The following SPRR1B variants were observed in gnomAD, a reference collection of about 807,000 sequenced individuals.
SPRR1B encodes small proline rich protein 1B, also known as cornifin-B.
A neutral mutation model predicts 1.2 loss-of-function variants in SPRR1B; 1 was observed. The ratio of observed to expected loss-of-function variants is 0.82; its 90% CI spans 0.29 to 3.89. The LOEUF (loss-of-function observed/expected upper bound fraction) is 3.89, where lower values mean the gene tolerates loss of function less well. SPRR1B is among the 30% of genes most tolerant of loss of function. The pLI, the probability that SPRR1B is intolerant of heterozygous loss-of-function variation, is 0.18. For synonymous variants in SPRR1B, 37 were observed against 38.3 expected, an observed-to-expected ratio of 0.97 and a Z score of 0.13; for missense variants, 102 against 106.0, an observed-to-expected ratio of 0.96 and a Z score of 0.17.
At chr1:153,032,029 T>C (rs1174026782) in intron 1 of SPRR1B, among the ~76,000 whole-genome samples, 1 of 39,506 alleles carries the variant, frequency 2.5e-5, no homozygotes, top group Non-Finnish European at 6.1e-5. Context: ...TTGTTAGGGT[T>C]TTTTTTTTCC....
At chr1:153,031,948 CT>C (rs766124770) in intron 1 of SPRR1B, among the ~76,000 whole-genome samples, 1 of 152,086 alleles carries the variant, frequency 6.6e-6, no homozygotes, top group Non-Finnish European at 1.5e-5. Flanking sequence ...GCTTGGGGTT[CT>C]AGAGAGGTCA....
In SPRR1B at chr1:153,032,390, G is replaced by A. The variant is rs540483672; in HGVS notation, c.45G>A (p.Gln15=). The A allele has an allele frequency of 2.1e-4, 342 of 1,613,792 alleles. 5 individuals are homozygous for A. In the South Asian group the frequency reaches 3.4e-3, roughly 16 times the overall value. The change falls in exon 2 of 2, where the codon CAG becomes CAA. Residue 15 remains glutamine, a synonymous_variant. Transcript: ENST00000307098. ...AGCAGCCTTGCACCCCACCCCCTCA[G>A]CTTCAGCAGCAGCAGGTGAAACAGC... ...QQKQPCTPPP[Q]LQQQQVKQPC...
chr1:153,031,809 T>C (rs1047661679), intron 1 of SPRR1B, among the ~76,000 whole-genome samples: 6 of 152,022 alleles, frequency 3.9e-5, no homozygotes, highest in Non-Finnish European at 7.4e-5. Context: ...TTCTGGAAGG[T>C]TTTTTCTAGA....
rs373458063 is a variant in SPRR1B at position 153,032,379 on chromosome 1, C to A, written c.34C>A (p.Pro12Thr). The A allele has an allele frequency of 6.2e-7, 1 of 1,613,690 alleles. No homozygotes were observed. Reference protein sequence around the residue: ...SSQQQKQPCTPPPQLQQQQVK... With the variant: ...SSQQQKQPCTTPPQLQQQQVK... ...CCAGCAGCAGAAGCAGCCTTGCACC[C>A]CACCCCCTCAGCTTCAGCAGCAGCA... Residue 12 changes from proline to threonine, a missense_variant, in exon 2 of 2, where the codon CCA becomes ACA. Physicochemically the swap from Pro to Thr is conservative, Grantham distance 38. Transcript: ENST00000307098.
chr1:153,032,360 G>C lies in SPRR1B; in HGVS notation c.15G>C (p.Gln5His), dbSNP rs746072507. 1 of 1,613,718 alleles carries C rather than the reference G, an allele frequency of 6.2e-7. No homozygotes were observed. The highest frequency in any genetic ancestry group is 8.5e-7 in the Non-Finnish European group (1 of 1,179,804). MSSQ[Q>H]QKQPCTPPPQ... ...ACTGTTGCAGCATGAGTTCCCAGCA[G>C]CAGAAGCAGCCTTGCACCCCACCCC... is the stretch of plus-strand genomic sequence containing the variant. The change falls in exon 2 of 2, where the codon CAG becomes CAC. Residue 5 changes from glutamine to histidine, a missense_variant. Gln to His is a conservative substitution (Grantham distance 24). Transcript: ENST00000307098.
rs1218019186 is a variant in SPRR1B, at chr1:153,032,545, C to G, written c.200C>G (p.Pro67Arg). 1.9e-6 allele frequency: 3 copies of G among 1,611,546 alleles called. No individual in the cohort carries two copies. In the African/African-American group the frequency reaches 4.0e-5, roughly 22 times the overall value. The change falls in exon 2 of 2, where the codon CCC becomes CGC. Residue 67 changes from proline (P) to arginine (R), a missense_variant. Coordinates refer to ENST00000307098, the MANE Select transcript of SPRR1B (RefSeq NM_003125.3). ...CQPKVPEPCH[P>R]KVPEPCPSIV... is the part of the protein sequence containing the mutation. The stretch of plus-strand genomic sequence containing the variant: ...CCCAAGGTTCCAGAGCCATGCCACC[C>G]CAAGGTGCCTGAGCCCTGCCCTTCA...
Position 153,032,736 on chromosome 1 carries a change from G to T in SPRR1B, c.*121G>T. On this transcript the variant is annotated 3_prime_UTR_variant, in exon 2 of 2. Coordinates refer to ENST00000307098, the MANE Select transcript of SPRR1B (RefSeq NM_003125.3). ...TTCTGTCTCCCCCAAAAAAGAATGT[G>T]CTATGAAGCTTTCTTTCCTACACAC... The T allele has an allele frequency of 1.4e-6, 2 of 1,470,540 alleles. No individual in the cohort carries two copies. Among genetic ancestry groups the T allele is most frequent in the Admixed American group, 2.5e-5 (1 of 39,336 alleles). The allele number at this position is 1,470,540 out of a possible 1,614,324, so 91.1% of individuals were successfully genotyped here.
intron 1 of SPRR1B, among the ~76,000 whole-genome samples, chr1:153,031,901 G>A (rs901260022): frequency 6.6e-6 from 1 of 152,022 alleles, no homozygotes; most frequent in Non-Finnish European, 1.5e-5. Flanking sequence ...AAACATTTAA[G>A]ACAGAGGAGA....
At chr1:153,031,348 AT>A (rs1335273058) in intron 1 of SPRR1B, 101 bp downstream of exon 1, 14 of 152,110 alleles carry the variant, frequency 9.2e-5, no homozygotes, top group African/African-American at 2.9e-4. Context: ...TCATTATTGA[AT>A]TTGATCATAG....
chr1:153,032,329 C>G lies in SPRR1B; in HGVS notation c.-17C>G, dbSNP rs1653731949. The G allele has an allele frequency of 6.2e-7, 1 of 1,611,798 alleles. No individual in the cohort carries two copies. The highest frequency in any genetic ancestry group is 1.1e-5 in the South Asian group (1 of 90,734). Reference sequence around the variant, plus strand: ...TAAATCATCTGTTCTGTGTCCAGGACCAGTCACTGTTGCAGCATGAGTTCC... The same window carrying G: ...TAAATCATCTGTTCTGTGTCCAGGAGCAGTCACTGTTGCAGCATGAGTTCC... On this transcript the variant is annotated splice_region_variant and 5_prime_UTR_variant, in exon 2 of 2. Coordinates refer to ENST00000307098, the MANE Select transcript of SPRR1B (RefSeq NM_003125.3).
At chr1:153,031,305 G>C (rs912308180) in intron 1 of SPRR1B, 58 bp downstream of exon 1, 5 of 141,334 alleles carry the variant, frequency 3.5e-5, no homozygotes, top group African/African-American at 1.1e-4. Flanking sequence ...ATTTTTATTA[G>C]AGTCTCCTTG....
In SPRR1B at chr1:153,032,715, G is replaced by C; in HGVS notation, c.*100G>C. 1.3e-6 allele frequency: 2 copies of C among 1,515,428 alleles called. No individual in the cohort carries two copies. Among genetic ancestry groups the C allele is most frequent in the East Asian group, 2.3e-5 (1 of 43,696 alleles). The allele number at this position is 1,515,428 out of a possible 1,614,324, so 93.9% of individuals were successfully genotyped here. On this transcript the variant is annotated 3_prime_UTR_variant, in exon 2 of 2. Transcript: ENST00000307098. ...CCATTTGCCTTGCAATTAGCATTCT[G>C]TCTCCCCCAAAAAAGAATGTGCTAT...
intron 1 of SPRR1B, among the ~76,000 whole-genome samples, chr1:153,032,119 A>G (rs1284404656): frequency 6.6e-6 from 1 of 152,162 alleles, no homozygotes; most frequent in African/African-American, 2.4e-5. Flanking sequence ...CTGTGTAGGA[A>G]GAAAGAGAGC....
rs868123111 is a variant in SPRR1B at position 153,032,394 on chromosome 1, C to T, written c.49C>T (p.Gln17Ter). The change falls in exon 2 of 2, where the codon CAG becomes TAG. Residue 17 changes from glutamine (Q) to a stop codon, truncating the protein, a stop_gained. Coordinates refer to ENST00000307098, the MANE Select transcript of SPRR1B (RefSeq NM_003125.3). LOFTEE classifies it low-confidence loss of function (END_TRUNC). ...KQPCTPPPQLQQQQVKQPCQP... is the reference protein window; with the variant it reads ...KQPCTPPPQL ...GCCTTGCACCCCACCCCCTCAGCTTCAGCAGCAGCAGGTGAAACAGCCTTG... is the reference window on the plus strand; with the variant it reads ...GCCTTGCACCCCACCCCCTCAGCTTTAGCAGCAGCAGGTGAAACAGCCTTG... The T allele has an allele frequency of 6.2e-7, 1 of 1,609,702 alleles. No individual in the cohort carries two copies. Among genetic ancestry groups the T allele is most frequent in the African/African-American group, 1.3e-5 (1 of 74,812 alleles).
At chr1:153,032,217 C>A in intron 1 of SPRR1B, 110 bp from the exon 2 acceptor site, 1 of 1,321,106 alleles carries the variant, frequency 7.6e-7, no homozygotes, top group Non-Finnish European at 1.0e-6. Flanking sequence ...ATTAAGTATT[C>A]TTTGTGGTCA....
Position 153,032,382 on chromosome 1 carries a change from C to T in SPRR1B, c.37C>T (p.Pro13Ser), listed in dbSNP as rs1653734594. 6.2e-7 allele frequency: 1 copy of T among 1,613,662 alleles called. No individual in the cohort carries two copies. Among genetic ancestry groups the T allele is most frequent in the South Asian group, 1.1e-5 (1 of 91,070 alleles). The change falls in exon 2 of 2, where the codon CCC becomes TCC. Residue 13 changes from proline to serine, a missense_variant. Coordinates refer to ENST00000307098, the MANE Select transcript of SPRR1B (RefSeq NM_003125.3). ...GCAGCAGAAGCAGCCTTGCACCCCA[C>T]CCCCTCAGCTTCAGCAGCAGCAGGT... ...SQQQKQPCTP[P>S]PQLQQQQVKQ...
rs1198604997 is a variant in SPRR1B at position 153,032,488 on chromosome 1, C to T, written c.143C>T (p.Pro48Leu). The change falls in exon 2 of 2, where the codon CCC becomes CTC. Residue 48 changes from proline to leucine, a missense_variant. By Grantham distance (98) the Pro-to-Leu change is moderately conservative (BLOSUM62 -3). Coordinates refer to ENST00000307098, the MANE Select transcript of SPRR1B (RefSeq NM_003125.3). Reference protein sequence around the residue: ...KEPCHPKVPEPCHPKVPEPCQ... With the variant: ...KEPCHPKVPELCHPKVPEPCQ... ...CCCTGCCACCCCAAGGTGCCTGAGCCCTGCCACCCCAAAGTGCCCGAGCCC... is the reference window on the plus strand; with the variant it reads ...CCCTGCCACCCCAAGGTGCCTGAGCTCTGCCACCCCAAAGTGCCCGAGCCC... The T allele has an allele frequency of 2.0e-6, 3 of 1,496,338 alleles. No homozygotes were observed. Among genetic ancestry groups the T allele is most frequent in the South Asian group, 2.4e-5 (2 of 84,478 alleles). 92.7% of individuals were successfully genotyped at this position (1,496,338 alleles called of 1,614,324 possible).
In SPRR1B at chr1:153,032,496, C is replaced by T; in HGVS notation, c.151C>T (p.Pro51Ser). 1 of 1,495,248 alleles carries T rather than the reference C, an allele frequency of 6.7e-7. No homozygotes were observed. Among genetic ancestry groups the T allele is most frequent in the South Asian group, 1.2e-5 (1 of 84,428 alleles). The allele number at this position is 1,495,248 out of a possible 1,614,324, so 92.6% of individuals were successfully genotyped here. Residue 51 changes from proline to serine, a missense_variant, in exon 2 of 2, where the codon CCC (proline) becomes TCC (serine). Pro to Ser is a moderately conservative substitution (Grantham distance 74). Coordinates refer to ENST00000307098, the MANE Select transcript of SPRR1B (RefSeq NM_003125.3). ...CHPKVPEPCH[P>S]KVPEPCQPKV... is the part of the protein sequence containing the mutation. ...CCCCAAGGTGCCTGAGCCCTGCCAC[C>T]CCAAAGTGCCCGAGCCCTGCCAGCC...
rs1183395083 is a variant in SPRR1B, at chr1:153,031,242, C to T, written c.-25C>T. Reference sequence around the variant, plus strand: ...ACCATACAGAGTATTCCTCTCTTCACACCAGGTGAGTCTCTTTACTTGGAA... The same window carrying T: ...ACCATACAGAGTATTCCTCTCTTCATACCAGGTGAGTCTCTTTACTTGGAA... On this transcript the variant is annotated 5_prime_UTR_variant, in exon 1 of 2. Transcript: ENST00000307098. The T allele has an allele frequency of 2.0e-5, 3 of 152,230 alleles. No homozygotes were observed. Among genetic ancestry groups the T allele is most frequent in the Non-Finnish European group, 4.4e-5 (3 of 68,040 alleles). 9.4% of individuals were successfully genotyped at this position (152,230 alleles called of 1,614,324 possible). A position where few individuals can be genotyped will look rare whatever the true frequency, so the allele number is the denominator to read the frequency against.
Sources: allele counts gnomAD v4.1 joint callset (sites outside exome capture counted in the v4.1 genomes callset), GRCh38; gene constraint gnomAD v4.1.1; transcripts MANE v1.5; gene names NCBI Gene and HGNC (gene_info 2026-07-23, HGNC 2026-07-21).